Variants in BTRC observed in about 807,000 individuals in gnomAD.
The protein encoded by BTRC is beta-transducin repeat containing E3 ubiquitin protein ligase.
A neutral mutation model predicts 85.5 loss-of-function variants in BTRC; 42 were observed. The ratio of observed to expected loss-of-function variants is 0.49; its 90% CI spans 0.38 to 0.64. The LOEUF (loss-of-function observed/expected upper bound fraction) is 0.64, where lower values mean the gene tolerates loss of function less well. Among genes scored for constraint, BTRC ranks in the 30% least tolerant of loss-of-function variants. The pLI, the probability that BTRC is intolerant of heterozygous loss-of-function variation, is 0.00. For synonymous variants in BTRC, 255 were observed against 263.3 expected, an observed-to-expected ratio of 0.97 and a Z score of 0.30; for missense variants, 594 against 743.5, an observed-to-expected ratio of 0.80 and a Z score of 2.34.
At chr10:101,374,471 T>C (rs1942732183) in intron 1 of BTRC, among the ~76,000 whole-genome samples, 1 of 150,454 alleles carries the variant, frequency 6.6e-6, no homozygotes, top group Non-Finnish European at 1.5e-5. Flanking sequence ...GATGAGTTCA[T>C]GTCCTTTGTA....
intron 1 of BTRC, among the ~76,000 whole-genome samples, chr10:101,373,692 C>T (rs969507959): frequency 2.0e-5 from 3 of 151,898 alleles, no homozygotes; most frequent in East Asian, 1.9e-4. Flanking sequence ...CCGAGGTGGG[C>T]GGATCACGAG....
In BTRC at chr10:101,522,387, A is replaced by C. The variant is rs1293630526; in HGVS notation, c.556+517A>C. Among the ~76,000 whole-genome samples, 58 of 137,642 alleles carry C rather than the reference A, an allele frequency of 4.2e-4. 2 individuals carry two copies. The highest frequency in any genetic ancestry group is 1.4e-3 in the African/African-American group (53 of 38,544). The allele number at this position is 137,642 out of a possible 152,430, so 90.3% of individuals were successfully genotyped here. A position where few individuals can be genotyped will look rare whatever the true frequency, so the allele number is the denominator to read the frequency against. On this transcript the variant is annotated intron_variant, in intron 5 of 14. Transcript: ENST00000370187. ...AAAAACAAAAAAAAACAAAAAAAAA[A>C]AAACTCTAGAAATAAAGACTCCTTT...
chr10:101,422,663 A>G (rs980847029), intron 1 of BTRC, among the ~76,000 whole-genome samples: 1 of 152,152 alleles, frequency 6.6e-6, no homozygotes, highest in Non-Finnish European at 1.5e-5. Flanking sequence ...TAAGGAAGAG[A>G]TCCAGTTTCA....
intron 1 of BTRC, among the ~76,000 whole-genome samples, chr10:101,362,871 C>T (rs1243368240): frequency 1.3e-5 from 2 of 152,106 alleles, no homozygotes; most frequent in Non-Finnish European, 2.9e-5. Context: ...GAATTAAAAA[C>T]AATACGTATA....
At chr10:101,367,794 T>C (rs1211957666) in intron 1 of BTRC, among the ~76,000 whole-genome samples, 1 of 152,224 alleles carries the variant, frequency 6.6e-6, no homozygotes, top group South Asian at 2.1e-4. Context: ...GTGTTTATTC[T>C]TGTTAATGTA....
chr10:101,480,524 TAGAAG>T (rs1945806059), intron 4 of BTRC, among the ~76,000 whole-genome samples: 1 of 152,206 alleles, frequency 6.6e-6, no homozygotes, highest in African/African-American at 2.4e-5. Context: ...CCTCACATGA[TAGAAG>T]AGACTAGCTA....
In BTRC at chr10:101,468,568, T is replaced by C. The variant is rs143275330; in HGVS notation, c.234+6510T>C. 7.0e-3 allele frequency among the ~76,000 whole-genome samples: 1,060 copies of C among 152,304 alleles called. 5 individuals carry two copies. Among genetic ancestry groups the C allele is most frequent in the Middle Eastern group, 0.02 (6 of 294 alleles). On this transcript the variant is annotated intron_variant, in intron 3 of 14. Coordinates refer to ENST00000370187, the MANE Select transcript of BTRC (RefSeq NM_033637.4). Reference sequence around the variant, plus strand: ...AACCCACTTCCAGCTTCCTTAGATATTGCTTTTTGGTTTGCTTTTTCTATA... The same window carrying C: ...AACCCACTTCCAGCTTCCTTAGATACTGCTTTTTGGTTTGCTTTTTCTATA...
chr10:101,423,240 G>T (rs1944156589), intron 1 of BTRC, among the ~76,000 whole-genome samples: 1 of 151,976 alleles, frequency 6.6e-6, no homozygotes, highest in South Asian at 2.1e-4. Context: ...TACCTTACTA[G>T]TTTATTATAC....
intron 2 of BTRC, among the ~76,000 whole-genome samples, chr10:101,454,878 T>C (rs1408664788): frequency 2.0e-5 from 3 of 152,122 alleles, no homozygotes; most frequent in Non-Finnish European, 2.9e-5. Flanking sequence ...AAAAGATGTG[T>C]TGTGGGAAAT....
At chr10:101,460,245 A>G (rs1219181836) in intron 2 of BTRC, among the ~76,000 whole-genome samples, 1 of 152,170 alleles carries the variant, frequency 6.6e-6, no homozygotes, top group Non-Finnish European at 1.5e-5. Context: ...AAAAAGTTAA[A>G]CATACAACTT....
chr10:101,499,730 T>C (rs962805587), intron 4 of BTRC, among the ~76,000 whole-genome samples: 1 of 151,106 alleles, frequency 6.6e-6, no homozygotes, highest in Non-Finnish European at 1.5e-5. Flanking sequence ...CCTTACTATG[T>C]AGGCCTACGA....
At chr10:101,401,579 G>C (rs571332461) in intron 1 of BTRC, among the ~76,000 whole-genome samples, 1 of 152,106 alleles carries the variant, frequency 6.6e-6, no homozygotes, top group African/African-American at 2.4e-5. Context: ...TACTCTTTCA[G>C]ATTCAACAAT....
chr10:101,433,293 A>G (rs1016361448), intron 2 of BTRC, among the ~76,000 whole-genome samples: 6 of 152,210 alleles, frequency 3.9e-5, no homozygotes, highest in African/African-American at 9.7e-5. Context: ...ATTGAGAGCT[A>G]TTAAATCACA....
At chr10:101,404,002 GTATATATATA>G (rs753639521) in intron 1 of BTRC, among the ~76,000 whole-genome samples, 1 of 61,760 alleles carries the variant, frequency 1.6e-5, no homozygotes, top group Admixed American at 2.6e-4. Context: ...GTGTGTGTGT[GTATATATATA>G]TATATATATA....
At chr10:101,535,706 G>A (rs1357259829) in intron 11 of BTRC, among the ~76,000 whole-genome samples, 2 of 152,196 alleles carry the variant, frequency 1.3e-5, no homozygotes, top group Non-Finnish European at 2.9e-5. Context: ...CTAATAAACA[G>A]CTAACAGCCT....
chr10:101,445,143 T>G (rs544565220), intron 2 of BTRC, among the ~76,000 whole-genome samples: 15 of 152,314 alleles, frequency 9.8e-5, no homozygotes, highest in South Asian at 6.2e-4. Flanking sequence ...CCCTTGGAAT[T>G]AATAAAAGGA....
chr10:101,416,622 T>G (rs899053051), intron 1 of BTRC, among the ~76,000 whole-genome samples: 1 of 152,128 alleles, frequency 6.6e-6, no homozygotes, highest in Admixed American at 6.6e-5. Flanking sequence ...ACTCCAGTCT[T>G]TGGCTCCACA....
chr10:101,395,379 G>T (rs1243877955), intron 1 of BTRC, among the ~76,000 whole-genome samples: 1 of 152,006 alleles, frequency 6.6e-6, no homozygotes, highest in Non-Finnish European at 1.5e-5. Flanking sequence ...TTCCTCCCTT[G>T]ACTGTAAGTA....
chr10:101,402,862 A>G (rs1408932400), intron 1 of BTRC, among the ~76,000 whole-genome samples: 1 of 152,242 alleles, frequency 6.6e-6, no homozygotes, highest in Non-Finnish European at 1.5e-5. Context: ...CTAAGCATCC[A>G]GAGGTTATAA....
Sources: gnomAD v4.1 joint callset for allele counts (sites outside exome capture counted in the v4.1 genomes callset) on GRCh38, gnomAD v4.1.1 for gene constraint, MANE v1.5 for transcripts, NCBI Gene and HGNC (gene_info 2026-07-23, HGNC 2026-07-21) for gene names.